Variants in STIM2 observed in about 807,000 individuals in gnomAD.
STIM2 encodes the protein stromal interaction molecule 2.
STIM2 carries 31 observed loss-of-function variants against 85.8 expected under a neutral mutation model. The observed-to-expected ratio is 0.36, with a 90% CI of 0.27 to 0.49. The LOEUF (loss-of-function observed/expected upper bound fraction) is 0.49. STIM2 is among the 20% of genes least tolerant of loss of function. The pLI is 0.98. For synonymous variants in STIM2, 356 were observed against 331.1 expected (o/e 1.08, Z -0.82); for missense variants, 841 against 927.6 (o/e 0.91, Z 1.21).
intron 3 of STIM2, among the ~76,000 whole-genome samples, chr4:26,981,007 T>G (rs4140681): frequency 0.97 from 148,451 of 152,292 alleles, 72,394 homozygotes; most frequent in East Asian, 1. Flanking sequence ...TAAACTTAGG[T>G]ATTCTGAGGC....
intron 3 of STIM2, among the ~76,000 whole-genome samples, chr4:26,973,218 G>A (rs563564809): frequency 1.1e-4 from 16 of 152,124 alleles, no homozygotes; most frequent in African/African-American, 3.9e-4. Context: ...TTTTTTGAAG[G>A]GTTTTTTGTG....
At chr4:26,873,883 C>A in intron 1 of STIM2, 2 of 1,317,112 alleles carry the variant, frequency 1.5e-6, no homozygotes, top group South Asian at 2.4e-5. Flanking sequence ...AGTGATGCTC[C>A]TTCTCCCAGG....
At chr4:26,942,931 T>C (rs1725670137) in intron 2 of STIM2, among the ~76,000 whole-genome samples, 1 of 152,140 alleles carries the variant, frequency 6.6e-6, no homozygotes, top group Admixed American at 6.5e-5. Flanking sequence ...TACTTAGATA[T>C]CTATTAGTCA....
chr4:26,975,026 A>C (rs1727128936), intron 3 of STIM2, among the ~76,000 whole-genome samples: 1 of 152,076 alleles, frequency 6.6e-6, no homozygotes, highest in Non-Finnish European at 1.5e-5. Context: ...TACTTGATCA[A>C]ATTGGCTATT....
chr4:26,946,578 G>A (rs575506876), intron 2 of STIM2, among the ~76,000 whole-genome samples: 1 of 152,224 alleles, frequency 6.6e-6, no homozygotes, highest in Admixed American at 6.5e-5. Flanking sequence ...GCACGCATGC[G>A]TGCACACATG....
intron 2 of STIM2, among the ~76,000 whole-genome samples, chr4:26,932,159 C>A (rs910434495): frequency 2.6e-5 from 4 of 152,176 alleles, no homozygotes; most frequent in Non-Finnish European, 5.9e-5. Flanking sequence ...CCCATAGTTA[C>A]AAGCTTGTAA....
chr4:27,001,215 A>G (rs980510695), intron 5 of STIM2, among the ~76,000 whole-genome samples: 1 of 152,206 alleles, frequency 6.6e-6, no homozygotes, highest in East Asian at 1.9e-4. Context: ...TTTCACTGTG[A>G]GCTGTATCTC....
intron 3 of STIM2, among the ~76,000 whole-genome samples, chr4:26,962,018 T>C (rs1254784394): frequency 6.6e-6 from 1 of 152,200 alleles, no homozygotes; most frequent in African/African-American, 2.4e-5. Context: ...CCTAAAGTGC[T>C]AGGATTACAG....
At chr4:26,971,257 A>G (rs1298620410) in intron 3 of STIM2, among the ~76,000 whole-genome samples, 2 of 151,878 alleles carry the variant, frequency 1.3e-5, no homozygotes, top group East Asian at 1.9e-4. Context: ...ATTAGATCCC[A>G]TTTGTCTATT....
At chr4:26,998,577 AAAGGATAAT>A (rs1728039931) in intron 4 of STIM2, among the ~76,000 whole-genome samples, 1 of 152,116 alleles carries the variant, frequency 6.6e-6, no homozygotes. Flanking sequence ...ATCCTTTGTG[AAAGGATAAT>A]AAGTGACAGA....
intron 3 of STIM2, among the ~76,000 whole-genome samples, chr4:26,983,847 CA>C (rs1727488095): frequency 1.3e-5 from 2 of 152,054 alleles, no homozygotes; most frequent in African/African-American, 4.8e-5. Flanking sequence ...TTATTTAATC[CA>C]GTGCCCAAAG....
intron 2 of STIM2, among the ~76,000 whole-genome samples, chr4:26,930,896 A>G (rs1161278637): frequency 6.6e-6 from 1 of 152,118 alleles, no homozygotes; most frequent in Non-Finnish European, 1.5e-5. Context: ...CACATTTCTC[A>G]TTTCATGGTT....
intron 1 of STIM2, among the ~76,000 whole-genome samples, chr4:26,865,656 AAACT>A (rs1409233472): frequency 6.6e-6 from 1 of 152,160 alleles, no homozygotes; most frequent in African/African-American, 2.4e-5. Context: ...GCTAATACTA[AAACT>A]AACTGCTAAT....
At chr4:26,868,988 T>A (rs1722507435) in intron 1 of STIM2, among the ~76,000 whole-genome samples, 1 of 152,166 alleles carries the variant, frequency 6.6e-6, no homozygotes, top group African/African-American at 2.4e-5. Context: ...CTATACCCTC[T>A]GATGTTTATT....
intron 4 of STIM2, 64 bp downstream of exon 4, chr4:26,995,554 CCCATACTGAAT>C (rs1201394154): frequency 2.0e-6 from 2 of 993,984 alleles, no homozygotes; most frequent in Non-Finnish European, 1.5e-6. Context: ...ATGTCATTTC[CCCATACTGAAT>C]CTACAAGTTA....
chr4:26,928,305 T>C (rs768542933), intron 2 of STIM2, among the ~76,000 whole-genome samples: 5 of 152,082 alleles, frequency 3.3e-5, no homozygotes, highest in Non-Finnish European at 5.9e-5. Context: ...CACACCACAA[T>C]TACAAAAATA....
At chr4:27,003,887 T>A (rs1728243418) in intron 7 of STIM2, among the ~76,000 whole-genome samples, 1 of 152,080 alleles carries the variant, frequency 6.6e-6, no homozygotes, top group African/African-American at 2.4e-5. Flanking sequence ...TGAAAGCCCA[T>A]CATTCCAGCC....
At chr4:26,886,198 TAAAGC>T (rs1723241374) in intron 1 of STIM2, among the ~76,000 whole-genome samples, 1 of 152,084 alleles carries the variant, frequency 6.6e-6, no homozygotes, top group African/African-American at 2.4e-5. Flanking sequence ...TTTTCCTTCT[TAAAGC>T]TTTTTCTGTG....
chr4:26,928,711 G>T (rs1362407300), intron 2 of STIM2, among the ~76,000 whole-genome samples: 2 of 152,026 alleles, frequency 1.3e-5, no homozygotes, highest in African/African-American at 4.8e-5. Context: ...TCACCACTCT[G>T]CAAAACAAAT....
Sources: gnomAD v4.1 joint callset for allele counts (sites outside exome capture counted in the v4.1 genomes callset) on GRCh38, gnomAD v4.1.1 for gene constraint, MANE v1.5 for transcripts, NCBI Gene and HGNC (gene_info 2026-07-23, HGNC 2026-07-21) for gene names.